SPIDR: variants seen among roughly 807,000 people sequenced by gnomAD.
SPIDR encodes DNA repair-scaffolding protein.
A neutral mutation model predicts 104.6 loss-of-function variants in SPIDR; 93 were observed. The observed-to-expected ratio is 0.89, with a 90% confidence interval of 0.75 to 1.06. SPIDR has a LOEUF of 1.06. SPIDR is among the 50% of genes least tolerant of loss of function. The pLI is 0.00. For missense variants in SPIDR, 1,154 were observed against 1,111.2 expected (o/e 1.04, Z -0.55); for synonymous variants, 431 against 416.9 (o/e 1.03, Z -0.41).
Position 47,517,479 on chromosome 8 carries a change from G to T in SPIDR, c.1097+76937G>T, listed in dbSNP as rs186403043. On this transcript the variant is annotated intron_variant, in intron 8 of 19. Coordinates refer to ENST00000297423, the MANE Select transcript of SPIDR (RefSeq NM_001080394.4). ...TATCCATGGCCACAGATGTCCCTGA[G>T]GCTGCTGATCCCTGAGGGCTCAGAA... Among the ~76,000 whole-genome samples, 357 of 152,244 alleles carry T rather than the reference G, an allele frequency of 2.3e-3. 1 individual carries two copies. The highest frequency in any genetic ancestry group is 6.5e-3 in the African/African-American group (268 of 41,548).
intron 11 of SPIDR, among the ~76,000 whole-genome samples, chr8:47,691,860 A>T (rs999074132): frequency 5.9e-5 from 9 of 152,196 alleles, no homozygotes; most frequent in Non-Finnish European, 1.2e-4. Context: ...CCACTCCAAA[A>T]GTAGAGTGCT....
intron 17 of SPIDR, among the ~76,000 whole-genome samples, chr8:47,728,168 C>T (rs1017821406): frequency 4.0e-5 from 6 of 151,500 alleles, no homozygotes; most frequent in African/African-American, 1.2e-4. Context: ...CAGTGTCTCA[C>T]GCCTGTAATC....
At chr8:47,403,046 A>G (rs1479057197) in intron 6 of SPIDR, among the ~76,000 whole-genome samples, 3 of 152,234 alleles carry the variant, frequency 2.0e-5, no homozygotes, top group Non-Finnish European at 4.4e-5. Flanking sequence ...AGGGTGGTTC[A>G]GCATACGCAA....
chr8:47,472,867 C>T lies in SPIDR; in HGVS notation c.1097+32325C>T, dbSNP rs118181077. Reference sequence around the variant, plus strand: ...ATGCTTCATATCTAATGCAGCCTCTCAATGGGTCCATTTTTATTCTTTATC... The same window carrying T: ...ATGCTTCATATCTAATGCAGCCTCTTAATGGGTCCATTTTTATTCTTTATC... On this transcript the variant is annotated intron_variant, in intron 8 of 19. Transcript: ENST00000297423. Among the ~76,000 whole-genome samples, 100 of 152,340 alleles carry T rather than the reference C, an allele frequency of 6.6e-4. 1 individual carries two copies. The East Asian group carries it at 0.018, about 28-fold the overall frequency.
intron 5 of SPIDR, among the ~76,000 whole-genome samples, chr8:47,296,907 A>G (rs2040945856): frequency 6.6e-6 from 1 of 152,112 alleles, no homozygotes; most frequent in Non-Finnish European, 1.5e-5. Context: ...CATCTACTAT[A>G]TCTTTCATCA....
At chr8:47,679,518 C>G (rs1387642591) in intron 11 of SPIDR, among the ~76,000 whole-genome samples, 3 of 149,186 alleles carry the variant, frequency 2.0e-5, no homozygotes, top group Non-Finnish European at 4.4e-5. Flanking sequence ...CCTTCCAGTG[C>G]TGGCCTGTGC....
intron 7 of SPIDR, among the ~76,000 whole-genome samples, chr8:47,426,524 C>T (rs1053483043): frequency 6.6e-6 from 1 of 151,772 alleles, no homozygotes; most frequent in African/African-American, 2.4e-5. Context: ...TTCATTTTTC[C>T]TTGCTTCCTT....
At chr8:47,698,095 A>C (rs938531372) in intron 11 of SPIDR, among the ~76,000 whole-genome samples, 20 of 152,242 alleles carry the variant, frequency 1.3e-4, no homozygotes, top group African/African-American at 4.8e-4. Context: ...TCAAATCATA[A>C]GCATAATGAA....
intron 5 of SPIDR, among the ~76,000 whole-genome samples, chr8:47,296,713 C>T (rs1025323939): frequency 1.7e-4 from 26 of 152,104 alleles, no homozygotes; most frequent in African/African-American, 5.3e-4. Flanking sequence ...TTGTTCTTTT[C>T]GCTTTGGCCA....
intron 8 of SPIDR, among the ~76,000 whole-genome samples, chr8:47,558,011 A>C (rs1227503339): frequency 6.6e-6 from 1 of 152,228 alleles, no homozygotes; most frequent in Non-Finnish European, 1.5e-5. Flanking sequence ...AGGAACATGG[A>C]TGCAGCTGGA....
chr8:47,399,484 G>A (rs2061601290), intron 6 of SPIDR, among the ~76,000 whole-genome samples: 1 of 152,208 alleles, frequency 6.6e-6, no homozygotes, highest in Admixed American at 6.5e-5. Flanking sequence ...AGCTGACAGG[G>A]AGGATGAGAA....
intron 5 of SPIDR, among the ~76,000 whole-genome samples, chr8:47,295,263 G>A (rs2040632973): frequency 6.6e-6 from 1 of 151,976 alleles, no homozygotes; most frequent in African/African-American, 2.4e-5. Context: ...AAATCTGTCT[G>A]TGTCATTTCT....
At chr8:47,552,721 C>T (rs1310018874) in intron 8 of SPIDR, among the ~76,000 whole-genome samples, 3 of 152,136 alleles carry the variant, frequency 2.0e-5, no homozygotes, top group African/African-American at 7.2e-5. Context: ...TCCAATTTGC[C>T]AGTCTGTGTC....
intron 1 of SPIDR, among the ~76,000 whole-genome samples, chr8:47,264,378 A>G (rs1554544984): frequency 6.6e-6 from 1 of 152,160 alleles, no homozygotes; most frequent in Non-Finnish European, 1.5e-5. Context: ...GATATATCCT[A>G]TATATCACAT....
intron 11 of SPIDR, among the ~76,000 whole-genome samples, chr8:47,687,838 G>A (rs1249921151): frequency 6.6e-6 from 1 of 152,196 alleles, no homozygotes; most frequent in African/African-American, 2.4e-5. Flanking sequence ...CAAGACAGAA[G>A]GATCACTTGA....
chr8:47,421,993 G>A (rs10099977), intron 7 of SPIDR, among the ~76,000 whole-genome samples: 62 of 152,300 alleles, frequency 4.1e-4, no homozygotes, highest in Admixed American at 1.1e-3. Context: ...GGAGTACCTG[G>A]CTGTGTGAGG....
At chr8:47,640,945 T>C (rs2068846874) in intron 10 of SPIDR, among the ~76,000 whole-genome samples, 1 of 139,768 alleles carries the variant, frequency 7.2e-6, no homozygotes, top group African/African-American at 2.6e-5. Flanking sequence ...ACTCCTGAGC[T>C]GAGGCAATCT....
intron 3 of SPIDR, among the ~76,000 whole-genome samples, chr8:47,290,672 T>C (rs2039746261): frequency 6.6e-6 from 1 of 152,250 alleles, no homozygotes; most frequent in Non-Finnish European, 1.5e-5. Flanking sequence ...GTTTTGACTT[T>C]GTGTTTTGCA....
intron 5 of SPIDR, among the ~76,000 whole-genome samples, chr8:47,350,572 C>T (rs2053299120): frequency 6.6e-6 from 1 of 152,212 alleles, no homozygotes; most frequent in African/African-American, 2.4e-5. Flanking sequence ...CCTCGGCCTC[C>T]CAAAGTGCTG....
Sources: allele counts gnomAD v4.1 joint callset (sites outside exome capture counted in the v4.1 genomes callset), GRCh38; gene constraint gnomAD v4.1.1; transcripts MANE v1.5; gene names NCBI Gene and HGNC (gene_info 2026-07-23, HGNC 2026-07-21).